KIF6: variants seen among roughly 807,000 people sequenced by gnomAD.
KIF6 encodes kinesin-like protein KIF6.
A neutral mutation model predicts 112.7 loss-of-function variants in KIF6; 106 were observed. The observed-to-expected ratio is 0.94, with a 90% CI of 0.80 to 1.11. The LOEUF (loss-of-function observed/expected upper bound fraction) is 1.11, where lower values mean the gene tolerates loss of function less well. Ranked by LOEUF, KIF6 falls within the 50% of genes least tolerant of loss-of-function variation. The probability of loss-of-function intolerance (pLI) is 0.00; values close to 1 mark genes in which losing one functional copy is unlikely to be tolerated. For synonymous variants in KIF6, 339 were observed against 339.9 expected (o/e 1.00, Z 0.03); for missense variants, 929 against 964.0 (o/e 0.96, Z 0.48).
intron 13 of KIF6, among the ~76,000 whole-genome samples, chr6:39,525,881 A>G (rs1466050710): frequency 6.6e-6 from 1 of 152,178 alleles, no homozygotes; most frequent in African/African-American, 2.4e-5. Context: ...GCAAACTGAG[A>G]AAAATGGGCA....
intron 13 of KIF6, among the ~76,000 whole-genome samples, chr6:39,486,054 C>T (rs1775092371): frequency 6.6e-6 from 1 of 152,186 alleles, no homozygotes; most frequent in Non-Finnish European, 1.5e-5. Flanking sequence ...AAGAACAATG[C>T]TTGTGGCAGA....
At chr6:39,366,579 C>T (rs1371123808) in intron 16 of KIF6, among the ~76,000 whole-genome samples, 1 of 152,106 alleles carries the variant, frequency 6.6e-6, no homozygotes, top group African/African-American at 2.4e-5. Flanking sequence ...GTGAGGGCCT[C>T]TAAGTGGGGG....
chr6:39,401,977 G>A (rs539983834), intron 15 of KIF6, among the ~76,000 whole-genome samples: 1 of 152,254 alleles, frequency 6.6e-6, no homozygotes, highest in East Asian at 1.9e-4. Context: ...TATTTTGGGA[G>A]TCAGGTTTGT....
intron 13 of KIF6, among the ~76,000 whole-genome samples, chr6:39,469,394 A>G (rs1206045625): frequency 6.6e-6 from 1 of 152,140 alleles, no homozygotes; most frequent in African/African-American, 2.4e-5. Flanking sequence ...ATTTAAAAAA[A>G]ACCAAGATTT....
At position 39,413,856 on chromosome 6, in the gene KIF6, T is replaced by C. The variant is rs548055631; in HGVS notation, c.1810+6092A>G. Among the ~76,000 whole-genome samples the C allele has an allele frequency of 6.6e-5, 10 of 152,336 alleles. No homozygotes were observed. In the South Asian group the frequency reaches 1.7e-3, roughly 25 times the overall value. ...ATGCAAGTTGGGTACAAAAAATTAA[T>C]TGAAGTTTTTGATAAGCGTAATTTT... is the stretch of plus-strand genomic sequence containing the variant. On this transcript the variant is annotated intron_variant, in intron 15 of 22. Coordinates refer to ENST00000287152, the MANE Select transcript of KIF6 (RefSeq NM_145027.6).
intron 3 of KIF6, among the ~76,000 whole-genome samples, chr6:39,693,451 G>A (rs1788341634): frequency 6.6e-6 from 1 of 152,170 alleles, no homozygotes; most frequent in African/African-American, 2.4e-5. Flanking sequence ...ATTGCCATGT[G>A]ACTAAGTTAT....
intron 3 of KIF6, among the ~76,000 whole-genome samples, chr6:39,711,686 T>C (rs1023226564): frequency 6.6e-6 from 1 of 152,046 alleles, no homozygotes; most frequent in African/African-American, 2.4e-5. Context: ...TAGAGGATGA[T>C]TACCAAAAGG....
At chr6:39,444,748 T>C (rs1372498843) in intron 13 of KIF6, among the ~76,000 whole-genome samples, 1 of 151,776 alleles carries the variant, frequency 6.6e-6, no homozygotes, top group African/African-American at 2.4e-5. Flanking sequence ...TAAGTGAAAG[T>C]CATTTGTCAA....
intron 5 of KIF6, among the ~76,000 whole-genome samples, chr6:39,627,093 TG>T (rs2150745430): frequency 6.6e-6 from 1 of 152,256 alleles, no homozygotes; most frequent in South Asian, 2.1e-4. Context: ...ATTTGTACCT[TG>T]CCAGTCTTAA....
chr6:39,576,637 C>T (rs181067744), intron 10 of KIF6, among the ~76,000 whole-genome samples: 17 of 152,274 alleles, frequency 1.1e-4, no homozygotes, highest in Admixed American at 6.5e-4. Flanking sequence ...GTGGCTGCAG[C>T]GGCTGTCACA....
At chr6:39,533,806 A>AC (rs1778231128) in intron 13 of KIF6, among the ~76,000 whole-genome samples, 1 of 151,936 alleles carries the variant, frequency 6.6e-6, no homozygotes, top group South Asian at 2.1e-4. Flanking sequence ...ACTGGGAGGC[A>AC]CCCCCCAATA....
chr6:39,527,696 T>C (rs1414250296), intron 13 of KIF6, among the ~76,000 whole-genome samples: 1 of 152,214 alleles, frequency 6.6e-6, no homozygotes, highest in Non-Finnish European at 1.5e-5. Flanking sequence ...CTCACTTATT[T>C]TTCTAGCCTT....
At chr6:39,563,802 T>C (rs1294921707) in intron 10 of KIF6, among the ~76,000 whole-genome samples, 1 of 152,224 alleles carries the variant, frequency 6.6e-6, no homozygotes, top group Non-Finnish European at 1.5e-5. Context: ...ACTGGCCTCA[T>C]TCACTCTACT....
At chr6:39,518,270 T>A (rs558706663) in intron 13 of KIF6, among the ~76,000 whole-genome samples, 175 of 152,302 alleles carry the variant, frequency 1.1e-3, no homozygotes, top group Middle Eastern at 0.01. Flanking sequence ...TGTGTATGTG[T>A]GTGCTGTGTG....
At chr6:39,624,385 T>C (rs1413639537) in intron 5 of KIF6, among the ~76,000 whole-genome samples, 1 of 152,194 alleles carries the variant, frequency 6.6e-6, no homozygotes, top group African/African-American at 2.4e-5. Context: ...TGAGCTATAA[T>C]AGACGTGTTT....
At chr6:39,437,326 G>A (rs1334102892) in intron 13 of KIF6, among the ~76,000 whole-genome samples, 1 of 152,130 alleles carries the variant, frequency 6.6e-6, no homozygotes, top group Non-Finnish European at 1.5e-5. Flanking sequence ...GTGATAGTTT[G>A]ACTTTCTCTT....
intron 5 of KIF6, among the ~76,000 whole-genome samples, chr6:39,621,265 A>G (rs927054742): frequency 6.6e-6 from 1 of 151,978 alleles, no homozygotes; most frequent in African/African-American, 2.4e-5. Flanking sequence ...ATCAATATAT[A>G]TCTGTTCCTG....
rs1583810289 is a variant in KIF6, at chr6:39,336,264, C to T, written c.*268G>A. 3 of 499,876 alleles carry T rather than the reference C, an allele frequency of 6.0e-6. No homozygotes were observed. The highest frequency in any genetic ancestry group is 7.2e-6 in the Non-Finnish European group (2 of 279,534). 31.0% of individuals were successfully genotyped at this position (499,876 alleles called of 1,614,324 possible). On this transcript the variant is annotated 3_prime_UTR_variant, in exon 23 of 23. Transcript: ENST00000287152. ...ACAACAGTGAGCTGAAGCCTTCACC[C>T]TGCCCCTAGCACTCTGGCCTTGCCT...
At chr6:39,365,395 C>G (rs946955942) in intron 16 of KIF6, among the ~76,000 whole-genome samples, 1 of 152,160 alleles carries the variant, frequency 6.6e-6, no homozygotes, top group Non-Finnish European at 1.5e-5. Context: ...TCACCCACAG[C>G]CCCCCAAGTC....
Sources: gnomAD v4.1 joint callset for allele counts (sites outside exome capture counted in the v4.1 genomes callset) on GRCh38, gnomAD v4.1.1 for gene constraint, MANE v1.5 for transcripts, NCBI Gene and HGNC (gene_info 2026-07-23, HGNC 2026-07-21) for gene names.